BRAF: variants seen among roughly 807,000 people sequenced by gnomAD.
The protein encoded by BRAF is B-Raf proto-oncogene, serine/threonine kinase.
BRAF carries 16 observed loss-of-function variants against 104.6 expected under a neutral mutation model. The ratio of observed to expected loss-of-function variants is 0.15; its 90% CI spans 0.10 to 0.23. The LOEUF (loss-of-function observed/expected upper bound fraction) is 0.23. Among genes scored for constraint, BRAF ranks in the 10% least tolerant of loss-of-function variants. The pLI is 1.00. For missense variants in BRAF, 541 were observed against 937.3 expected, an observed-to-expected ratio of 0.58 and a Z score of 5.52; for synonymous variants, 310 against 341.6, an observed-to-expected ratio of 0.91 and a Z score of 1.02.
At chr7:140,744,986 G>C (rs1048491852) in intron 17 of BRAF, among the ~76,000 whole-genome samples, 2 of 151,762 alleles carry the variant, frequency 1.3e-5, no homozygotes, top group Non-Finnish European at 2.9e-5. Flanking sequence ...TCAATAAAAG[G>C]CTTTAAAACA....
intron 2 of BRAF, 100 bp from the exon 3 acceptor site, chr7:140,834,972 T>C (rs1000744664): frequency 4.5e-5 from 61 of 1,358,116 alleles, no homozygotes; most frequent in Non-Finnish European, 6.2e-5. Context: ...TTTTCACCAG[T>C]TGATAGGGTT....
At chr7:140,824,559 T>C (rs1002911712) in intron 3 of BRAF, among the ~76,000 whole-genome samples, 2 of 152,044 alleles carry the variant, frequency 1.3e-5, no homozygotes, top group Non-Finnish European at 2.9e-5. Flanking sequence ...GGAAGCATGA[T>C]GCCCCCAACT....
At chr7:140,796,328 G>A (rs1296278029) in intron 7 of BRAF, among the ~76,000 whole-genome samples, 3 of 147,050 alleles carry the variant, frequency 2.0e-5, no homozygotes, top group Admixed American at 6.8e-5. Context: ...TCGCCTGGGT[G>A]ACAAAGTGAG....
chr7:140,834,560 C>T, intron 3 of BRAF, 49 bp downstream of exon 3: 1 of 1,605,734 alleles, frequency 6.2e-7, no homozygotes, highest in Non-Finnish European at 8.5e-7. Flanking sequence ...ACTGATCTGT[C>T]TGAAAAATAC....
At chr7:140,899,920 C>G (rs1388265092) in intron 1 of BRAF, among the ~76,000 whole-genome samples, 1 of 152,178 alleles carries the variant, frequency 6.6e-6, no homozygotes, top group Non-Finnish European at 1.5e-5. Flanking sequence ...GACTAAAATA[C>G]TGTGGTTTCC....
intron 1 of BRAF, 117 bp from the exon 2 acceptor site, chr7:140,850,329 G>C (rs1477275843): frequency 1.0e-5 from 8 of 798,402 alleles, no homozygotes; most frequent in Non-Finnish European, 1.6e-5. Context: ...TTTGAGCTTA[G>C]AGATCATTTA....
intron 18 of BRAF, among the ~76,000 whole-genome samples, chr7:140,737,092 C>T (rs1725301883): frequency 6.6e-6 from 1 of 151,866 alleles, no homozygotes; most frequent in South Asian, 2.1e-4. Flanking sequence ...TGTTTTCTGT[C>T]TTGTTTTCTT....
At chr7:140,740,230 G>A in intron 17 of BRAF, 1 of 359,568 alleles carries the variant, frequency 2.8e-6, no homozygotes, top group Admixed American at 4.1e-5. Context: ...CCACTCACAG[G>A]GTAACCATCT....
intron 3 of BRAF, among the ~76,000 whole-genome samples, chr7:140,833,451 T>C (rs1227525617): frequency 2.0e-5 from 3 of 152,360 alleles, no homozygotes; most frequent in Admixed American, 2.0e-4. Context: ...GAAGATTATC[T>C]ATTTACAGAT....
At chr7:140,868,234 T>G (rs574532744) in intron 1 of BRAF, among the ~76,000 whole-genome samples, 19 of 152,326 alleles carry the variant, frequency 1.2e-4, no homozygotes, top group African/African-American at 4.3e-4. Flanking sequence ...TAATACGTTC[T>G]GTTAGGGAAA....
intron 1 of BRAF, among the ~76,000 whole-genome samples, chr7:140,914,762 A>C (rs1353945262): frequency 8.5e-5 from 13 of 152,146 alleles, no homozygotes; most frequent in Non-Finnish European, 8.8e-5. Context: ...ATAATCAGCC[A>C]GGCACGGTGG....
At chr7:140,776,747 CATTT>C (rs896537459) in intron 14 of BRAF, among the ~76,000 whole-genome samples, 161 bp downstream of exon 13, 5 of 152,128 alleles carry the variant, frequency 3.3e-5, no homozygotes, top group African/African-American at 9.7e-5. Flanking sequence ...TAGACAGAGA[CATTT>C]ATTTTTTAGT....
chr7:140,924,613 C>G lies in BRAF; in HGVS notation c.91G>C (p.Ala31Pro), dbSNP rs2129153255. 3.3e-6 allele frequency: 5 copies of G among 1,526,304 alleles called. No homozygotes were observed. The highest frequency in any genetic ancestry group is 2.6e-6 in the Non-Finnish European group (3 of 1,142,778). The allele number at this position is 1,526,304 out of a possible 1,614,324, so 94.5% of individuals were successfully genotyped here. ...GDMEPEAGAG[A>P]GAAASSAADP... Reference sequence around the variant, plus strand: ...GCAGCCGAAGAGGCCGCGGCGCCGGCGCCGGCGCCGGCCTCGGGCTCCATG... The same window carrying G: ...GCAGCCGAAGAGGCCGCGGCGCCGGGGCCGGCGCCGGCCTCGGGCTCCATG... Residue 31 changes from alanine (A) to proline (P), a missense_variant, in exon 1 of 20, where the codon GCC becomes CCC. Coordinates refer to ENST00000644969, the MANE Select transcript of BRAF (RefSeq NM_001374258.1). This position sits in a 1 kb window ranked among gnomAD's most constrained non-coding sequence, Gnocchi z 4.2.
intron 14 of BRAF, among the ~76,000 whole-genome samples, chr7:140,761,264 C>T (rs1442922272): frequency 6.6e-6 from 1 of 152,054 alleles, no homozygotes; most frequent in East Asian, 1.9e-4. Context: ...ATTTTCAACC[C>T]AGAATTTCAT....
chr7:140,808,096 T>C (rs1167865359), intron 4 of BRAF, 34 bp from the exon 5 acceptor site: 1 of 1,509,042 alleles, frequency 6.6e-7, no homozygotes, highest in South Asian at 1.1e-5. Flanking sequence ...TTCTTGGTTA[T>C]TACACCTAAA....
chr7:140,920,737 A>G (rs907990651), intron 1 of BRAF, among the ~76,000 whole-genome samples: 3 of 152,236 alleles, frequency 2.0e-5, no homozygotes, highest in African/African-American at 7.2e-5. Context: ...CAGAAAAAGG[A>G]GTGAGTGGAT....
At position 140,723,480 on chromosome 7, in the gene BRAF, C is replaced by T. The variant is rs554555308; in HGVS notation, c.*3014G>A. On this transcript the variant is annotated 3_prime_UTR_variant, in exon 20 of 20. Transcript: ENST00000644969. ...GAGATATTCGGGAACCAGAATTTGACAGCTAGACAGAATCTTCTTTTAAGG... is the reference window on the plus strand; with the variant it reads ...GAGATATTCGGGAACCAGAATTTGATAGCTAGACAGAATCTTCTTTTAAGG... 1 of 1,053,454 alleles carries T rather than the reference C, an allele frequency of 9.5e-7. No homozygotes were observed. The highest frequency in any genetic ancestry group is 4.6e-5 in the South Asian group (1 of 21,842). The allele number at this position is 1,053,454 out of a possible 1,614,324, so 65.3% of individuals were successfully genotyped here. A position where few individuals can be genotyped will look rare whatever the true frequency, so the allele number is the denominator to read the frequency against.
intron 1 of BRAF, among the ~76,000 whole-genome samples, chr7:140,871,984 C>T (rs1191899683): frequency 2.0e-5 from 3 of 151,824 alleles, no homozygotes; most frequent in Admixed American, 2.0e-4. Context: ...TGGGAGGCCG[C>T]GGCAGGTGGA....
intron 1 of BRAF, among the ~76,000 whole-genome samples, chr7:140,894,322 G>C (rs1262988764): frequency 6.6e-6 from 1 of 152,082 alleles, no homozygotes; most frequent in East Asian, 1.9e-4. Context: ...CTGATGAAAA[G>C]ATAAATAAAA....
Sources: allele counts gnomAD v4.1 joint callset (sites outside exome capture counted in the v4.1 genomes callset), GRCh38; gene constraint gnomAD v4.1.1; non-coding constraint Gnocchi (gnomAD v3.1); transcripts MANE v1.5; gene names NCBI Gene and HGNC (gene_info 2026-07-23, HGNC 2026-07-21).